The following NAV3 variants were observed in gnomAD, a reference collection of about 807,000 sequenced individuals.
NAV3 encodes the protein pore membrane and/or filament interacting like protein 1.
NAV3 carries 87 observed loss-of-function variants against 244.7 expected under a neutral mutation model. The ratio of observed to expected loss-of-function variants is 0.36; its 90% confidence interval spans 0.30 to 0.42. The LOEUF (loss-of-function observed/expected upper bound fraction) is 0.42, where lower values mean the gene tolerates loss of function less well. Ranked by LOEUF, NAV3 falls within the 20% of genes least tolerant of loss-of-function variation. The probability of loss-of-function intolerance (pLI) is 1.00; values close to 1 mark genes in which losing one functional copy is unlikely to be tolerated. For missense variants in NAV3, 2,663 were observed against 2,893.3 expected, an observed-to-expected ratio of 0.92 and a Z score of 1.83; for synonymous variants, 1,126 against 1,042.2, an observed-to-expected ratio of 1.08 and a Z score of -1.55.
At chr12:77,661,911 A>G (rs1333552782) in intron 2 of NAV3, among the ~76,000 whole-genome samples, 1 of 152,076 alleles carries the variant, frequency 6.6e-6, no homozygotes, top group East Asian at 1.9e-4. Flanking sequence ...AAAATTATAA[A>G]AATTGCACAT....
At chr12:78,036,115 A>T (rs1454073372) in intron 9 of NAV3, 1 of 151,754 alleles carries the variant, frequency 6.6e-6, no homozygotes, top group East Asian at 1.9e-4. Context: ...ATAGTGGAAG[A>T]TCTCGTACAG....
chr12:77,698,246 A>G (rs1875401473), intron 2 of NAV3, among the ~76,000 whole-genome samples: 1 of 152,236 alleles, frequency 6.6e-6, no homozygotes, highest in East Asian at 1.9e-4. Context: ...CACAGCGTTA[A>G]TATCTTGGCT....
At chr12:77,787,415 T>G (rs548264602) in intron 2 of NAV3, among the ~76,000 whole-genome samples, 2 of 152,210 alleles carry the variant, frequency 1.3e-5, no homozygotes, top group Non-Finnish European at 2.9e-5. Context: ...GAAAGAGGTT[T>G]AATTGACTCT....
chr12:77,901,886 T>A (rs1885341912), intron 1 of NAV3, among the ~76,000 whole-genome samples: 1 of 152,106 alleles, frequency 6.6e-6, no homozygotes. Context: ...AGCTCTGAGA[T>A]GCCCCAGTAC....
At chr12:77,592,565 AG>A (rs1463455163) in intron 2 of NAV3, among the ~76,000 whole-genome samples, 2 of 152,138 alleles carry the variant, frequency 1.3e-5, no homozygotes, top group Non-Finnish European at 2.9e-5. Context: ...TAAAGCCTCA[AG>A]GGGTGATTTA....
chr12:77,875,785 C>T (rs1592861593), intron 1 of NAV3, among the ~76,000 whole-genome samples: 1 of 152,070 alleles, frequency 6.6e-6, no homozygotes, highest in Middle Eastern at 3.4e-3. Context: ...TTTTATGTCT[C>T]CACTCGTGTT....
intron 9 of NAV3, among the ~76,000 whole-genome samples, chr12:78,048,118 T>A (rs1882143106): frequency 6.6e-6 from 1 of 152,168 alleles, no homozygotes; most frequent in South Asian, 2.1e-4. Context: ...TCCTCTAACC[T>A]TTTTTCAAGG....
At chr12:77,968,314 TTTA>T (rs1286147261) in intron 4 of NAV3, among the ~76,000 whole-genome samples, 1 of 152,206 alleles carries the variant, frequency 6.6e-6, no homozygotes, top group Non-Finnish European at 1.5e-5. Context: ...CCTCTATCCT[TTTA>T]TTCTCTCCCT....
intron 3 of NAV3, among the ~76,000 whole-genome samples, chr12:77,961,783 G>A (rs940216021): frequency 7.2e-6 from 1 of 139,472 alleles, no homozygotes; most frequent in Middle Eastern, 3.7e-3. Context: ...AAACCATCAT[G>A]AAGGTTACAT....
At chr12:77,755,581 T>TCCTTTCCTTTCCTC (rs1565800350) in intron 2 of NAV3, among the ~76,000 whole-genome samples, 2 of 8,432 alleles carry the variant, frequency 2.4e-4, no homozygotes, top group African/African-American at 9.5e-4. Context: ...TCCTTTCCTT[T>TCCTTTCCTTTCCTC]CCTCCCTCCC....
chr12:77,588,566 G>A (rs1183743700), intron 2 of NAV3, among the ~76,000 whole-genome samples: 1 of 152,042 alleles, frequency 6.6e-6, no homozygotes, highest in Non-Finnish European at 1.5e-5. Context: ...GATACCTTTT[G>A]TTTCTAATCA....
rs150823185 is a variant in NAV3 at position 77,978,364 on chromosome 12, C to T, written c.671+9662C>T. ...AAAATTTTATAACAGGACATTTTGA[C>T]GGCCTAGTTAGATATTTTCTATCAA... On this transcript the variant is annotated intron_variant, in intron 5 of 39. Transcript: ENST00000397909. 1.9e-3 allele frequency among the ~76,000 whole-genome samples: 294 copies of T among 152,158 alleles called. 1 individual carries two copies. The highest frequency in any genetic ancestry group is 6.3e-3 in the African/African-American group (260 of 41,532).
chr12:77,809,139 C>T lies in NAV3; in HGVS notation c.73-131180C>T, dbSNP rs1486772436. Among the ~76,000 whole-genome samples, 4 of 152,194 alleles carry T rather than the reference C, an allele frequency of 2.6e-5. No homozygotes were observed. The South Asian group carries it at 8.3e-4, about 32-fold the overall frequency. On this transcript the variant is annotated intron_variant, in intron 2 of 8. Transcript: ENST00000550042. ...CGGGATGGGATCTGCTGAGCTAGAC[C>T]ACTTTGCTCCCTGGCTTCAGCCCCC...
Position 78,012,968 on chromosome 12 carries a change from A to G in NAV3, c.1907+5523A>G, listed in dbSNP as rs541282562. 7.9e-5 allele frequency among the ~76,000 whole-genome samples: 12 copies of G among 152,220 alleles called. No individual in the cohort carries two copies. In the South Asian group the frequency reaches 2.1e-3, roughly 26 times the overall value. Reference sequence around the variant, plus strand: ...AAAAATTGTTGAATGAAACACTATCATCCTGTGTTAGAATCACTTGCTATA... The same window carrying G: ...AAAAATTGTTGAATGAAACACTATCGTCCTGTGTTAGAATCACTTGCTATA... On this transcript the variant is annotated intron_variant, in intron 8 of 39. Transcript: ENST00000397909.
chr12:77,631,017 T>C (rs1389752687), intron 2 of NAV3, among the ~76,000 whole-genome samples: 1 of 152,202 alleles, frequency 6.6e-6, no homozygotes, highest in Non-Finnish European at 1.5e-5. Context: ...AACTGCCTAA[T>C]GTGAATATAT....
At chr12:77,949,580 G>C (rs1298239242) in intron 3 of NAV3, among the ~76,000 whole-genome samples, 2 of 151,474 alleles carry the variant, frequency 1.3e-5, no homozygotes, top group Non-Finnish European at 2.9e-5. Context: ...GCAAAATTGG[G>C]AGAAAAGTAC....
Position 78,177,318 on chromosome 12 carries a change from G to A in NAV3, c.5297+5G>A. ...GCCCTCACAATCTGCTTCAGCGTAA[G>A]TTGCTCCTTCTGCAAAATGCAGACA... On this transcript the variant is annotated splice_donor_5th_base_variant and intron_variant, in intron 27 of 39. Transcript: ENST00000397909. 2 of 1,597,528 alleles carry A rather than the reference G, an allele frequency of 1.3e-6. No individual in the cohort carries two copies. Among genetic ancestry groups the A allele is most frequent in the Non-Finnish European group, 1.7e-6 (2 of 1,175,196 alleles).
chr12:78,157,867 A>G (rs1186715084), intron 22 of NAV3, among the ~76,000 whole-genome samples: 1 of 152,038 alleles, frequency 6.6e-6, no homozygotes, highest in African/African-American at 2.4e-5. Flanking sequence ...AGTTGTTCTG[A>G]TAGATTAATC....
At chr12:77,929,755 C>T (rs1264338547) in intron 1 of NAV3, among the ~76,000 whole-genome samples, 5 of 151,294 alleles carry the variant, frequency 3.3e-5, no homozygotes, top group Admixed American at 2.0e-4. Flanking sequence ...GCTGCAGCCT[C>T]CCAAGTAGCT....
Sources: allele counts gnomAD v4.1 joint callset (sites outside exome capture counted in the v4.1 genomes callset), GRCh38; gene constraint gnomAD v4.1.1; transcripts MANE v1.5; gene names NCBI Gene and HGNC (gene_info 2026-07-23, HGNC 2026-07-21).